SLCO1B1: variants seen among roughly 807,000 people sequenced by gnomAD.
The protein encoded by SLCO1B1 is solute carrier organic anion transporter family member 1B1.
Under a neutral mutation model 70.1 loss-of-function variants are expected in SLCO1B1, and 81 were observed. The ratio of observed to expected loss-of-function variants is 1.16; its 90% CI spans 0.97 to 1.39. The LOEUF (loss-of-function observed/expected upper bound fraction) is 1.39, where lower values mean the gene tolerates loss of function less well. Ranked by LOEUF, SLCO1B1 falls within the 40% of genes most tolerant of loss-of-function variation. The pLI is 0.00. For synonymous variants in SLCO1B1, 283 were observed against 271.5 expected (o/e 1.04, Z -0.42); for missense variants, 895 against 799.6 (o/e 1.12, Z -1.44).
At chr12:21,149,179 T>A (rs1940432443) in intron 2 of SLCO1B1, among the ~76,000 whole-genome samples, 1 of 152,134 alleles carries the variant, frequency 6.6e-6, no homozygotes, top group Non-Finnish European at 1.5e-5. Flanking sequence ...ACAAAGACAA[T>A]TTGACTTCCT....
chr12:21,148,572 A>G (rs961912393), intron 2 of SLCO1B1, among the ~76,000 whole-genome samples: 1 of 151,694 alleles, frequency 6.6e-6, no homozygotes, highest in Non-Finnish European at 1.5e-5. Flanking sequence ...TGGTCTATAT[A>G]TCTGTTTTGG....
intron 2 of SLCO1B1, among the ~76,000 whole-genome samples, chr12:21,144,000 A>G (rs1033177943): frequency 1.4e-5 from 2 of 141,064 alleles, no homozygotes; most frequent in Non-Finnish European, 3.2e-5. Flanking sequence ...CAAAACTTTG[A>G]GAAATCAAAT....
chr12:21,213,787 C>A (rs1348731938), intron 11 of SLCO1B1, among the ~76,000 whole-genome samples: 1 of 149,340 alleles, frequency 6.7e-6, no homozygotes, highest in Non-Finnish European at 1.5e-5. Flanking sequence ...TTTCTCTAAA[C>A]TTCCCTTCTC....
At chr12:21,236,445 C>A (rs1941596339) in intron 14 of SLCO1B1, among the ~76,000 whole-genome samples, 1 of 152,174 alleles carries the variant, frequency 6.6e-6, no homozygotes, top group South Asian at 2.1e-4. Context: ...CAGTATGGCA[C>A]ATCTTTCCTT....
chr12:21,161,554 A>G (rs1205699827), intron 2 of SLCO1B1, among the ~76,000 whole-genome samples: 1 of 152,144 alleles, frequency 6.6e-6, no homozygotes, highest in Non-Finnish European at 1.5e-5. Context: ...AGCAGAAGAA[A>G]TAACTATTGA....
intron 2 of SLCO1B1, among the ~76,000 whole-genome samples, chr12:21,164,510 A>G (rs1565670532): frequency 6.6e-6 from 1 of 151,928 alleles, no homozygotes; most frequent in East Asian, 1.9e-4. Flanking sequence ...TTTCTAACAG[A>G]TCTCTTTTTC....
intron 1 of SLCO1B1, among the ~76,000 whole-genome samples, chr12:21,131,658 G>C (rs1258518226): frequency 6.6e-6 from 1 of 150,962 alleles, no homozygotes; most frequent in Non-Finnish European, 1.5e-5. Flanking sequence ...CCAAGGGTGG[G>C]AGTAGAGGGA....
intron 2 of SLCO1B1, among the ~76,000 whole-genome samples, chr12:21,159,207 C>T (rs1940580807): frequency 6.6e-6 from 1 of 151,890 alleles, no homozygotes; most frequent in Non-Finnish European, 1.5e-5. Flanking sequence ...CAATAGAGAG[C>T]CAAAACTGTT....
intron 14 of SLCO1B1, among the ~76,000 whole-genome samples, chr12:21,225,528 A>G (rs1488280625): frequency 1.3e-5 from 2 of 152,220 alleles, no homozygotes; most frequent in Non-Finnish European, 2.9e-5. Flanking sequence ...TCAATTATCT[A>G]CGAAGCAGAA....
At chr12:21,173,044 T>C (rs145646355) in intron 3 of SLCO1B1, among the ~76,000 whole-genome samples, 83 of 152,322 alleles carry the variant, frequency 5.4e-4, no homozygotes, top group African/African-American at 1.7e-3. Flanking sequence ...AAAATGTTGA[T>C]AGTGAGGATG....
At chr12:21,143,203 C>T (rs1016158738) in intron 2 of SLCO1B1, among the ~76,000 whole-genome samples, 3 of 152,034 alleles carry the variant, frequency 2.0e-5, no homozygotes, top group African/African-American at 7.2e-5. Context: ...GAAATGAAAA[C>T]ATAATGGGAG....
rs117301175 is a variant in SLCO1B1, at chr12:21,167,348, G to A, written c.85-5302G>A. The stretch of plus-strand genomic sequence containing the variant: ...TAGTAGACAGTGAGAGAGGAATGGG[G>A]GAGGGGATGTTTACAAGAAGTTCTA... On this transcript the variant is annotated intron_variant, in intron 2 of 14. Coordinates refer to ENST00000256958, the MANE Select transcript of SLCO1B1 (RefSeq NM_006446.5). 3.3e-3 allele frequency among the ~76,000 whole-genome samples: 500 copies of A among 152,274 alleles called. 4 individuals carry two copies. The highest frequency in any genetic ancestry group is 5.7e-3 in the Non-Finnish European group (385 of 68,018).
chr12:21,237,679 GA>G (rs1941608456), intron 14 of SLCO1B1, among the ~76,000 whole-genome samples: 1 of 151,592 alleles, frequency 6.6e-6, no homozygotes, highest in African/African-American at 2.4e-5. Context: ...CTGAATCTGT[GA>G]TATAGTGTCT....
chr12:21,209,055 AATTT>A (rs1027351413), intron 11 of SLCO1B1, among the ~76,000 whole-genome samples: 96 of 150,232 alleles, frequency 6.4e-4, no homozygotes, highest in African/African-American at 1.5e-3. Context: ...TTAATTAATT[AATTT>A]ATTTATTTTT....
intron 5 of SLCO1B1, among the ~76,000 whole-genome samples, chr12:21,177,882 T>G (rs1273424414): frequency 6.6e-6 from 1 of 152,158 alleles, no homozygotes; most frequent in Non-Finnish European, 1.5e-5. Context: ...GGAACAATTG[T>G]TATAATATGG....
chr12:21,181,237 A>G (rs575643171), intron 7 of SLCO1B1, among the ~76,000 whole-genome samples: 2 of 152,296 alleles, frequency 1.3e-5, no homozygotes, highest in African/African-American at 2.4e-5. Flanking sequence ...AGAATTTTTC[A>G]ATTTTTAAGA....
At chr12:21,211,518 T>A (rs948609669) in intron 11 of SLCO1B1, among the ~76,000 whole-genome samples, 3 of 152,256 alleles carry the variant, frequency 2.0e-5, no homozygotes, top group East Asian at 1.9e-4. Context: ...TGGTCTAAGA[T>A]TCTCTTTTTT....
chr12:21,197,107 C>T lies in SLCO1B1; in HGVS notation c.889C>T (p.His297Tyr). The T allele has an allele frequency of 1.9e-6, 3 of 1,613,552 alleles. No individual in the cohort carries two copies. The highest frequency in any genetic ancestry group is 2.5e-6 in the Non-Finnish European group (3 of 1,179,674). The change falls in exon 8 of 15, where the codon CAT becomes TAT. Residue 297 changes from histidine to tyrosine, a missense_variant. Physicochemically the swap from His to Tyr is moderately conservative, Grantham distance 83. Transcript: ENST00000256958. ...QKERKASLSL[H>Y]VLETNDEKDQ... ...AGAAAGAAAAGCTTCACTGTCTTTG[C>T]ATGTGCTGGAAACAAATGATGAAAA...
At chr12:21,155,084 G>T (rs1013754006) in intron 2 of SLCO1B1, among the ~76,000 whole-genome samples, 4 of 127,040 alleles carry the variant, frequency 3.1e-5, no homozygotes, top group Non-Finnish European at 6.7e-5. Context: ...CATTCAATGG[G>T]CACTCTCAAC....
Sources: gnomAD v4.1 joint callset for allele counts (sites outside exome capture counted in the v4.1 genomes callset) on GRCh38, gnomAD v4.1.1 for gene constraint, MANE v1.5 for transcripts, NCBI Gene and HGNC (gene_info 2026-07-23, HGNC 2026-07-21) for gene names.